FNTB: variants seen among roughly 807,000 people sequenced by gnomAD.
FNTB encodes farnesyltransferase, CAAX box, subunit beta, also known as protein farnesyltransferase subunit beta.
A neutral mutation model predicts 59.4 loss-of-function variants in FNTB; 27 were observed. The observed-to-expected ratio is 0.45, with a 90% CI of 0.34 to 0.63. FNTB has a LOEUF of 0.63. FNTB is among the 20% of genes least tolerant of loss of function. FNTB has a pLI of 0.02. For synonymous variants in FNTB, 230 were observed against 220.7 expected (o/e 1.04, Z -0.37); for missense variants, 449 against 559.6 (o/e 0.80, Z 1.99).
intron 4 of FNTB, among the ~76,000 whole-genome samples, chr14:65,022,970 T>G (rs1165518970): frequency 6.6e-6 from 1 of 152,228 alleles, no homozygotes; most frequent in Non-Finnish European, 1.5e-5. Context: ...GGTTTCTGAT[T>G]TGTTTTGCTG....
At chr14:65,035,903 C>T (rs1595066222) in intron 7 of FNTB, among the ~76,000 whole-genome samples, 1 of 152,006 alleles carries the variant, frequency 6.6e-6, no homozygotes, top group East Asian at 1.9e-4. Flanking sequence ...ATGATCACGG[C>T]TCACTGCAGC....
In FNTB at chr14:65,006,328, C is replaced by T. The variant is rs376185428; in HGVS notation, c.209+2015C>T. On this transcript the variant is annotated intron_variant, in intron 2 of 11. Transcript: ENST00000246166. Reference sequence around the variant, plus strand: ...AAAAATATCAGCTTACTAGTATAGTCTTTCCCTTAACTGCTAAACCAAATC... The same window carrying T: ...AAAAATATCAGCTTACTAGTATAGTTTTTCCCTTAACTGCTAAACCAAATC... 43 of 1,606,734 alleles carry T rather than the reference C, an allele frequency of 2.7e-5. 1 individual carries two copies. In the South Asian group the frequency reaches 4.7e-4, roughly 18 times the overall value.
At chr14:65,036,314 G>A (rs2062192635) in intron 7 of FNTB, among the ~76,000 whole-genome samples, 1 of 152,042 alleles carries the variant, frequency 6.6e-6, no homozygotes, top group African/African-American at 2.4e-5. Context: ...TTGGCTCACT[G>A]CAGCCTTGAC....
intron 7 of FNTB, among the ~76,000 whole-genome samples, chr14:65,036,488 C>G (rs1336809470): frequency 6.6e-6 from 1 of 152,174 alleles, no homozygotes; most frequent in Non-Finnish European, 1.5e-5. Flanking sequence ...CCGCCTGCCT[C>G]AGCCTCCCAA....
intron 4 of FNTB, among the ~76,000 whole-genome samples, chr14:65,019,048 C>G (rs1180118552): frequency 6.6e-6 from 1 of 152,130 alleles, no homozygotes; most frequent in South Asian, 2.1e-4. Context: ...TCTGTTACTG[C>G]ACTCCCGGCT....
Position 65,028,157 on chromosome 14 carries a change from C to T in FNTB, c.605+376C>T, listed in dbSNP as rs1016585378. 1.3e-5 allele frequency among the ~76,000 whole-genome samples: 2 copies of T among 152,164 alleles called. No homozygotes were observed. Among genetic ancestry groups the T allele is most frequent in the African/African-American group, 2.4e-5 (1 of 41,426 alleles). ...CCAGCAGGGCCTCAGTAAATACCTT[C>T]TGAGTGAATTTGATGAAATCATGAG... On this transcript the variant is annotated intron_variant, in intron 6 of 11. Transcript: ENST00000246166. This position sits in a 1 kb window ranked among gnomAD's most constrained non-coding sequence, Gnocchi z 4.4.
intron 9 of FNTB, among the ~76,000 whole-genome samples, chr14:65,052,657 G>T (rs921830559): frequency 6.6e-5 from 10 of 152,172 alleles, no homozygotes; most frequent in Admixed American, 5.2e-4. Context: ...TTTTGCTAGG[G>T]TATCATATGA....
rs1053430502 is a variant in FNTB, at chr14:65,007,260, G to C, written c.209+2947G>C. Among the ~76,000 whole-genome samples, 1 of 152,174 alleles carries C rather than the reference G, an allele frequency of 6.6e-6. No individual in the cohort carries two copies. Among genetic ancestry groups the C allele is most frequent in the African/African-American group, 2.4e-5 (1 of 41,432 alleles). On this transcript the variant is annotated intron_variant, in intron 2 of 11. Transcript: ENST00000246166. The surrounding 1 kb of genome is among the most constrained non-coding windows in gnomAD (Gnocchi z 4.9). ...AGTCTCAATATTTAACATATTAATAGTCAAAATTTAAAAGTCTGACACTTT... is the reference window on the plus strand; with the variant it reads ...AGTCTCAATATTTAACATATTAATACTCAAAATTTAAAAGTCTGACACTTT...
chr14:65,010,787 C>T (rs1381789819), intron 2 of FNTB, among the ~76,000 whole-genome samples: 1 of 152,194 alleles, frequency 6.6e-6, no homozygotes, highest in Non-Finnish European at 1.5e-5. Flanking sequence ...AGTACTCCTG[C>T]TTTCCTCCCA....
In FNTB at chr14:65,031,068, A is replaced by C. The variant is rs750813446; in HGVS notation, c.606-1542A>C. 2.0e-5 allele frequency among the ~76,000 whole-genome samples: 3 copies of C among 152,122 alleles called. No individual in the cohort carries two copies. The highest frequency in any genetic ancestry group is 2.9e-5 in the Non-Finnish European group (2 of 68,016). On this transcript the variant is annotated intron_variant, in intron 6 of 11. Transcript: ENST00000246166. The surrounding 1 kb of genome is among the most constrained non-coding windows in gnomAD (Gnocchi z 4.6). ...AATAATCCACCTGCCTTAGCCTCCC[A>C]AAGTGCTGGGATTACAGGCATGAGC...
intron 8 of FNTB, among the ~76,000 whole-genome samples, chr14:65,043,828 CAAAAAAAAAAAAAAAAAA>C (rs749243788): frequency 1.6e-5 from 1 of 64,234 alleles, no homozygotes; most frequent in Non-Finnish European, 3.0e-5. Flanking sequence ...GACTCCGTCT[CAAAAAAAAAAAAAAAAAA>C]AAAAAAAAAA....
rs993971759 is a variant in FNTB at position 65,014,251 on chromosome 14, A to T, written c.283-1374A>T. ...GGCAGTACTCCTACCTACCCTGCCT[A>T]GCCTTGAATGCTCAATAATCATTTA... On this transcript the variant is annotated intron_variant, in intron 3 of 11. Transcript: ENST00000246166. This position sits in a 1 kb window ranked among gnomAD's most constrained non-coding sequence, Gnocchi z 5.1. Among the ~76,000 whole-genome samples the T allele has an allele frequency of 1.3e-5, 2 of 152,234 alleles. No individual in the cohort carries two copies. The highest frequency in any genetic ancestry group is 2.9e-5 in the Non-Finnish European group (2 of 68,036).
In FNTB at chr14:65,032,418, G is replaced by A. The variant is rs1486901613; in HGVS notation, c.606-192G>A. On this transcript the variant is annotated intron_variant, in intron 6 of 11. Transcript: ENST00000246166. The surrounding 1 kb of genome is among the most constrained non-coding windows in gnomAD (Gnocchi z 5.0). ...CATGTTCTTTCACTGAAGCCATGCC[G>A]TGAGCAACTCTATCCAAATAGAATG... 4.1e-6 allele frequency: 2 copies of A among 492,504 alleles called. No homozygotes were observed. Among genetic ancestry groups the A allele is most frequent in the Non-Finnish European group, 3.5e-6 (1 of 282,636 alleles). 30.5% of individuals were successfully genotyped at this position (492,504 alleles called of 1,614,324 possible). A position where few individuals can be genotyped will look rare whatever the true frequency, so the allele number is the denominator to read the frequency against.
intron 9 of FNTB, among the ~76,000 whole-genome samples, chr14:65,049,519 T>C (rs2062560539): frequency 6.6e-6 from 1 of 152,238 alleles, no homozygotes; most frequent in Non-Finnish European, 1.5e-5. Context: ...TTATGTGTGC[T>C]GGTGTCCAAA....
intron 7 of FNTB, among the ~76,000 whole-genome samples, chr14:65,035,511 T>G (rs1411537808): frequency 1.3e-5 from 2 of 152,084 alleles, no homozygotes; most frequent in Non-Finnish European, 2.9e-5. Flanking sequence ...TCTTCCTTCT[T>G]TCTTCCTCTG....
chr14:65,036,993 T>G (rs774888815), intron 7 of FNTB, among the ~76,000 whole-genome samples: 12 of 152,148 alleles, frequency 7.9e-5, no homozygotes, highest in Non-Finnish European at 1.8e-4. Context: ...TGGATTATTT[T>G]TATTCATTTT....
In FNTB at chr14:65,009,763, T is replaced by G. The variant is rs569129535; in HGVS notation, c.210-2554T>G. Reference sequence around the variant, plus strand: ...GTCATGGTGTTTTCTTCATTTTGCCTGCTTAACTCATGTCTTTCCAGCCTT... The same window carrying G: ...GTCATGGTGTTTTCTTCATTTTGCCGGCTTAACTCATGTCTTTCCAGCCTT... On this transcript the variant is annotated intron_variant, in intron 2 of 11. Transcript: ENST00000246166. The surrounding 1 kb of genome is among the most constrained non-coding windows in gnomAD (Gnocchi z 4.2). Among the ~76,000 whole-genome samples, 21 of 152,338 alleles carry G rather than the reference T, an allele frequency of 1.4e-4. No homozygotes were observed. In the East Asian group the frequency reaches 4.1e-3, roughly 29 times the overall value.
intron 1 of FNTB, chr14:65,003,447 T>G (rs2061540899): frequency 6.6e-6 from 1 of 152,156 alleles, no homozygotes; most frequent in African/African-American, 2.4e-5. Context: ...CCCTCTACCC[T>G]TCTAATTTCT....
chr14:65,040,296 T>C (rs2062318231), intron 7 of FNTB, among the ~76,000 whole-genome samples: 2 of 149,396 alleles, frequency 1.3e-5, no homozygotes, highest in South Asian at 4.2e-4. Context: ...TATATATATA[T>C]GTATATATAT....
Sources: allele counts gnomAD v4.1 joint callset (sites outside exome capture counted in the v4.1 genomes callset), GRCh38; gene constraint gnomAD v4.1.1; non-coding constraint Gnocchi (gnomAD v3.1); transcripts MANE v1.5; gene names NCBI Gene and HGNC (gene_info 2026-07-23, HGNC 2026-07-21).